The following RNGTT variants were observed in gnomAD, a reference collection of about 807,000 sequenced individuals.
RNGTT encodes mRNA-capping enzyme.
In RNGTT, 33 loss-of-function variants were observed where a neutral mutation model predicts 79.3. The observed-to-expected ratio is 0.42, with a 90% confidence interval of 0.32 to 0.56. The LOEUF is 0.56. Ranked by LOEUF, RNGTT falls within the 20% of genes least tolerant of loss-of-function variation. RNGTT has a pLI of 0.17. For missense variants in RNGTT, 497 were observed against 739.1 expected, an observed-to-expected ratio of 0.67 and a Z score of 3.80; for synonymous variants, 222 against 235.9, an observed-to-expected ratio of 0.94 and a Z score of 0.54.
intron 14 of RNGTT, among the ~76,000 whole-genome samples, chr6:88,668,257 C>G (rs1052790092): frequency 1.4e-4 from 21 of 152,136 alleles, no homozygotes; most frequent in Non-Finnish European, 2.1e-4. Flanking sequence ...GAATTCCGGC[C>G]TGGATCCACC....
At chr6:88,625,658 A>T (rs1772601892) in intron 14 of RNGTT, among the ~76,000 whole-genome samples, 1 of 151,780 alleles carries the variant, frequency 6.6e-6, no homozygotes. Flanking sequence ...TTTTGTCTTG[A>T]TTCTAGTAGT....
chr6:88,834,947 A>C lies in RNGTT; in HGVS notation c.1269+9410T>G, dbSNP rs569906636. 2.0e-4 allele frequency among the ~76,000 whole-genome samples: 31 copies of C among 152,274 alleles called. No homozygotes were observed. The South Asian group carries it at 6.4e-3, about 32-fold the overall frequency. On this transcript the variant is annotated intron_variant, in intron 11 of 15. Transcript: ENST00000369485. ...TTAAAAGTAGATGTGTTCTTGAAAA[A>C]TTAAATGTAGTAAAAGAATAACCTT...
At chr6:88,955,676 A>C (rs565991328) in intron 1 of RNGTT, among the ~76,000 whole-genome samples, 1 of 152,296 alleles carries the variant, frequency 6.6e-6, no homozygotes, top group Admixed American at 6.5e-5. Flanking sequence ...GAAAAGAAGT[A>C]ACAAACATCA....
At chr6:88,697,415 G>A (rs954881371) in intron 13 of RNGTT, among the ~76,000 whole-genome samples, 9 of 152,010 alleles carry the variant, frequency 5.9e-5, no homozygotes, top group Non-Finnish European at 1.2e-4. Context: ...GCCAGGCGTG[G>A]TGGCGGGCAC....
chr6:88,631,615 T>C (rs1174225349), intron 14 of RNGTT, among the ~76,000 whole-genome samples: 1 of 152,202 alleles, frequency 6.6e-6, no homozygotes, highest in Non-Finnish European at 1.5e-5. Flanking sequence ...GTGCAGGAGC[T>C]GAGATCTTGA....
chr6:88,685,569 G>A (rs1167777919), intron 13 of RNGTT, among the ~76,000 whole-genome samples: 1 of 151,658 alleles, frequency 6.6e-6, no homozygotes, highest in Non-Finnish European at 1.5e-5. Context: ...AAGGAGGAAA[G>A]AGGGAAGGGA....
intron 4 of RNGTT, among the ~76,000 whole-genome samples, chr6:88,907,068 A>T (rs1261378607): frequency 6.6e-6 from 1 of 152,234 alleles, no homozygotes; most frequent in Admixed American, 6.5e-5. Context: ...AAACCAACTA[A>T]CTGTATTTTC....
At chr6:88,892,716 A>C (rs1783092199) in intron 6 of RNGTT, among the ~76,000 whole-genome samples, 1 of 152,126 alleles carries the variant, frequency 6.6e-6, no homozygotes, top group East Asian at 1.9e-4. Context: ...CATCAGTCTT[A>C]AGAAAAATCT....
At chr6:88,623,752 A>G (rs764664920) in intron 14 of RNGTT, among the ~76,000 whole-genome samples, 16 of 152,064 alleles carry the variant, frequency 1.1e-4, no homozygotes, top group Non-Finnish European at 2.4e-4. Flanking sequence ...AACAAATAAA[A>G]GACCTACCGG....
chr6:88,786,723 T>C (rs1779240080), intron 12 of RNGTT, among the ~76,000 whole-genome samples: 1 of 152,208 alleles, frequency 6.6e-6, no homozygotes, highest in Non-Finnish European at 1.5e-5. Context: ...CTCAAATATT[T>C]AAGTATTTTT....
intron 14 of RNGTT, among the ~76,000 whole-genome samples, chr6:88,623,122 CA>C (rs907151142): frequency 6.6e-6 from 1 of 151,672 alleles, no homozygotes; most frequent in African/African-American, 2.4e-5. Context: ...AGAAAGGAAG[CA>C]AAAGCAAGTG....
intron 11 of RNGTT, among the ~76,000 whole-genome samples, chr6:88,815,939 T>TA (rs1780300861): frequency 6.6e-6 from 1 of 152,046 alleles, no homozygotes; most frequent in Admixed American, 6.5e-5. Flanking sequence ...TTCCACAATA[T>TA]AAAAAAGTAT....
At chr6:88,741,915 T>C (rs1777504266) in intron 13 of RNGTT, among the ~76,000 whole-genome samples, 2 of 152,212 alleles carry the variant, frequency 1.3e-5, no homozygotes, top group Admixed American at 1.3e-4. Flanking sequence ...ACCTGATCTT[T>C]CCGTTGCTAT....
chr6:88,777,754 C>T (rs942575243), intron 12 of RNGTT, among the ~76,000 whole-genome samples: 1 of 152,152 alleles, frequency 6.6e-6, no homozygotes, highest in Non-Finnish European at 1.5e-5. Flanking sequence ...GATAATTCTA[C>T]TACTTGTTTT....
At chr6:88,867,481 T>C (rs991259186) in intron 8 of RNGTT, among the ~76,000 whole-genome samples, 1 of 150,914 alleles carries the variant, frequency 6.6e-6, no homozygotes, top group Non-Finnish European at 1.5e-5. Context: ...AGACTCCATC[T>C]CAAAAAAGAA....
intron 14 of RNGTT, among the ~76,000 whole-genome samples, chr6:88,662,236 A>G (rs564153257): frequency 6.6e-6 from 1 of 152,364 alleles, no homozygotes; most frequent in Admixed American, 6.5e-5. Context: ...TGAGATCAAT[A>G]GCCAGATGGC....
At chr6:88,655,840 C>T (rs1414983416) in intron 14 of RNGTT, among the ~76,000 whole-genome samples, 1 of 152,052 alleles carries the variant, frequency 6.6e-6, no homozygotes, top group Non-Finnish European at 1.5e-5. Flanking sequence ...ATTAACAACC[C>T]TTTGGCTGAT....
rs539541523 is a variant in RNGTT at position 88,813,647 on chromosome 6, A to G, written c.1270-12015T>C. ...TAAAGGTGAAGTTAAGAACTTGCCT[A>G]AGGTTACACAGCAAGAAACTGAGAA... is the stretch of plus-strand genomic sequence containing the variant. On this transcript the variant is annotated intron_variant, in intron 11 of 15. Coordinates refer to ENST00000369485, the MANE Select transcript of RNGTT (RefSeq NM_003800.5). 4.6e-5 allele frequency among the ~76,000 whole-genome samples: 7 copies of G among 152,332 alleles called. No homozygotes were observed. The East Asian group carries it at 1.4e-3, about 29-fold the overall frequency.
chr6:88,815,150 T>C (rs973740313), intron 11 of RNGTT, among the ~76,000 whole-genome samples: 6 of 152,118 alleles, frequency 3.9e-5, no homozygotes, highest in African/African-American at 1.4e-4. Flanking sequence ...TGGGAGGAGA[T>C]AAAGACTAAA....
Sources: gnomAD v4.1 joint callset for allele counts (sites outside exome capture counted in the v4.1 genomes callset) on GRCh38, gnomAD v4.1.1 for gene constraint, MANE v1.5 for transcripts, NCBI Gene and HGNC (gene_info 2026-07-23, HGNC 2026-07-21) for gene names.